The following RIT2 variants were observed in gnomAD, a reference collection of about 807,000 sequenced individuals.
RIT2 encodes the protein Ras like without CAAX 2, also known as GTP-binding protein Rit2.
RIT2 carries 24 observed loss-of-function variants against 23.7 expected under a neutral mutation model. The ratio of observed to expected loss-of-function variants is 1.01; its 90% CI spans 0.73 to 1.43. RIT2 has a LOEUF of 1.43. Ranked by LOEUF, RIT2 falls within the 40% of genes most tolerant of loss-of-function variation. The probability of loss-of-function intolerance (pLI) is 0.00; values close to 1 mark genes in which losing one functional copy is unlikely to be tolerated. For synonymous variants in RIT2, 107 were observed against 91.1 expected (o/e 1.17, Z -0.99); for missense variants, 236 against 266.9 (o/e 0.88, Z 0.81).
intron 2 of RIT2, among the ~76,000 whole-genome samples, chr18:42,994,403 C>T (rs1158566448): frequency 6.6e-6 from 1 of 152,210 alleles, no homozygotes; most frequent in Non-Finnish European, 1.5e-5. Flanking sequence ...ACAACAACTC[C>T]TTTCCTTCCT....
chr18:42,899,933 T>C (rs1476725887), intron 4 of RIT2, among the ~76,000 whole-genome samples: 1 of 152,116 alleles, frequency 6.6e-6, no homozygotes, highest in Non-Finnish European at 1.5e-5. Context: ...TTGTATTACA[T>C]ATACAATCTA....
intron 1 of RIT2, among the ~76,000 whole-genome samples, chr18:43,075,814 C>T (rs529548861): frequency 1.3e-5 from 2 of 152,124 alleles, no homozygotes; most frequent in African/African-American, 2.4e-5. Context: ...GCCAAAAATG[C>T]CCTTGCCTTT....
At chr18:42,770,003 C>A (rs1031377417) in intron 4 of RIT2, among the ~76,000 whole-genome samples, 1 of 151,772 alleles carries the variant, frequency 6.6e-6, no homozygotes, top group African/African-American at 2.4e-5. Context: ...CCAAGACAGT[C>A]GTGGCTGAGA....
At chr18:42,812,080 T>C (rs1168876232) in intron 4 of RIT2, among the ~76,000 whole-genome samples, 3 of 152,172 alleles carry the variant, frequency 2.0e-5, no homozygotes, top group Non-Finnish European at 4.4e-5. Context: ...CTTTTCATAG[T>C]AGATTGCATT....
intron 1 of RIT2, among the ~76,000 whole-genome samples, chr18:43,113,062 C>T (rs1392935624): frequency 1.3e-5 from 2 of 152,134 alleles, no homozygotes; most frequent in African/African-American, 4.8e-5. Context: ...CCACTGCACC[C>T]CAGCCTAGGC....
At chr18:42,993,014 T>C (rs1218568854) in intron 2 of RIT2, among the ~76,000 whole-genome samples, 3 of 152,138 alleles carry the variant, frequency 2.0e-5, no homozygotes, top group Admixed American at 1.3e-4. Context: ...TGTACAATAA[T>C]AGAAAAAAGT....
chr18:42,992,240 T>C (rs1184293039), intron 2 of RIT2, among the ~76,000 whole-genome samples: 1 of 152,182 alleles, frequency 6.6e-6, no homozygotes, highest in African/African-American at 2.4e-5. Flanking sequence ...CCTTATTTTC[T>C]TCTACAATGT....
chr18:42,988,141 G>A (rs894713035), intron 2 of RIT2, among the ~76,000 whole-genome samples: 4 of 151,878 alleles, frequency 2.6e-5, no homozygotes, highest in Admixed American at 2.6e-4. Context: ...TTAAACTATA[G>A]AATACAACAA....
intron 1 of RIT2, among the ~76,000 whole-genome samples, chr18:43,099,480 TG>T (rs1289184348): frequency 6.6e-6 from 1 of 152,016 alleles, no homozygotes; most frequent in African/African-American, 2.4e-5. Context: ...TCAGTCTTTT[TG>T]TTAATATAAT....
intron 1 of RIT2, among the ~76,000 whole-genome samples, chr18:43,101,452 G>A (rs1429377937): frequency 2.0e-5 from 3 of 151,996 alleles, no homozygotes; most frequent in Admixed American, 1.3e-4. Flanking sequence ...AGACATAAAG[G>A]TATATAAATT....
intron 4 of RIT2, among the ~76,000 whole-genome samples, chr18:42,800,339 G>A (rs16976923): frequency 0.037 from 5,620 of 151,984 alleles, 320 homozygotes; most frequent in African/African-American, 0.13. Context: ...TATGGAATCC[G>A]GTTTCAACCT....
At position 42,756,332 on chromosome 18, in the gene RIT2, TC is replaced by T. The variant is rs1913162730; in HGVS notation, c.427-12613del. Reference sequence around the variant, plus strand: ...ATAATAAATTAAATGGTGTAGCCAGTCGTTCTGAGACACGGGATGGTAATGG... The same window carrying T: ...ATAATAAATTAAATGGTGTAGCCAGTGTTCTGAGACACGGGATGGTAATGG... On this transcript the variant is annotated intron_variant, in intron 4 of 4. Coordinates refer to ENST00000326695, the MANE Select transcript of RIT2 (RefSeq NM_002930.4). Among the ~76,000 whole-genome samples the T allele has an allele frequency of 1.3e-5, 2 of 152,116 alleles. 1 individual carries two copies. Among genetic ancestry groups the T allele is most frequent in the African/African-American group, 4.8e-5 (2 of 41,412 alleles).
At chr18:42,910,792 AC>A (rs950443293) in intron 4 of RIT2, among the ~76,000 whole-genome samples, 21 of 152,268 alleles carry the variant, frequency 1.4e-4, no homozygotes, top group African/African-American at 5.1e-4. Flanking sequence ...TTTGGACCAA[AC>A]AACGGAACTT....
intron 2 of RIT2, among the ~76,000 whole-genome samples, chr18:43,015,672 T>C (rs1911457558): frequency 6.6e-6 from 1 of 151,658 alleles, no homozygotes; most frequent in Admixed American, 6.6e-5. Context: ...TACCTAGATT[T>C]ATTGATCAGA....
chr18:42,933,504 C>T (rs1367345540), intron 3 of RIT2, among the ~76,000 whole-genome samples: 1 of 152,050 alleles, frequency 6.6e-6, no homozygotes, highest in East Asian at 1.9e-4. Flanking sequence ...TTAATTGAAT[C>T]GTGGAGGCGG....
chr18:43,108,370 G>GTA (rs1913878552), intron 1 of RIT2, among the ~76,000 whole-genome samples: 1 of 151,718 alleles, frequency 6.6e-6, no homozygotes, highest in Non-Finnish European at 1.5e-5. Context: ...GTGTGTGTGT[G>GTA]TACCTCAGTT....
intron 4 of RIT2, among the ~76,000 whole-genome samples, chr18:42,876,508 C>G (rs932828964): frequency 2.0e-5 from 3 of 151,770 alleles, no homozygotes; most frequent in Non-Finnish European, 4.4e-5. Context: ...CCTCTTTGCT[C>G]TCCTTGGTCT....
chr18:42,922,775 A>AT (rs1443035827), intron 4 of RIT2, among the ~76,000 whole-genome samples: 3 of 152,104 alleles, frequency 2.0e-5, no homozygotes, highest in Non-Finnish European at 4.4e-5. Context: ...TTCCTTATCA[A>AT]TTTTGTTTGT....
chr18:43,031,055 C>T (rs1911842770), intron 2 of RIT2, among the ~76,000 whole-genome samples: 2 of 151,726 alleles, frequency 1.3e-5, no homozygotes, highest in South Asian at 2.1e-4. Context: ...TCTCGCTTGC[C>T]TTCCTACATA....
Sources: gnomAD v4.1 joint callset for allele counts (sites outside exome capture counted in the v4.1 genomes callset) on GRCh38, gnomAD v4.1.1 for gene constraint, MANE v1.5 for transcripts, NCBI Gene and HGNC (gene_info 2026-07-23, HGNC 2026-07-21) for gene names.